Variants in MICU1 observed in about 807,000 individuals in gnomAD.
MICU1 encodes the protein calcium uptake protein 1, mitochondrial.
In MICU1, 45 loss-of-function variants were observed where a neutral mutation model predicts 56.8. The ratio of observed to expected loss-of-function variants is 0.79; its 90% CI spans 0.62 to 1.02. The LOEUF is 1.02. MICU1 is among the 50% of genes least tolerant of loss of function. The pLI is 0.00. For synonymous variants in MICU1, 186 were observed against 195.1 expected (o/e 0.95, Z 0.39); for missense variants, 504 against 587.1 (o/e 0.86, Z 1.46).
Position 72,519,149 on chromosome 10 carries a change from A to G in MICU1, c.538-10880T>C, listed in dbSNP as rs948944653. Among the ~76,000 whole-genome samples the G allele has an allele frequency of 2.6e-5, 4 of 152,262 alleles. No individual in the cohort carries two copies. The East Asian group carries it at 7.7e-4, about 29-fold the overall frequency. On this transcript the variant is annotated intron_variant, in intron 5 of 11. Transcript: ENST00000361114. Reference sequence around the variant, plus strand: ...GTCAAATGACAAGAATAGCATTTCTATTCAATTTACTGACCAATGTTACCT... The same window carrying G: ...GTCAAATGACAAGAATAGCATTTCTGTTCAATTTACTGACCAATGTTACCT...
chr10:72,622,993 G>C (rs994646810), intron 1 of MICU1, among the ~76,000 whole-genome samples: 5 of 152,144 alleles, frequency 3.3e-5, no homozygotes, highest in African/African-American at 1.2e-4. Context: ...GGGAGGCCAG[G>C]TACAGTGGCT....
chr10:72,435,564 G>C (rs1864684354), intron 8 of MICU1, among the ~76,000 whole-genome samples: 1 of 152,184 alleles, frequency 6.6e-6, no homozygotes. Flanking sequence ...AGCCCACGGA[G>C]GACGAGCTGA....
chr10:72,592,715 A>T (rs150749337), intron 1 of MICU1, among the ~76,000 whole-genome samples: 1 of 152,264 alleles, frequency 6.6e-6, no homozygotes, highest in African/African-American at 2.4e-5. Context: ...CAGAATGAAG[A>T]AAAATCTACA....
At chr10:72,534,552 G>A (rs567437801) in intron 4 of MICU1, among the ~76,000 whole-genome samples, 2 of 152,276 alleles carry the variant, frequency 1.3e-5, no homozygotes, top group East Asian at 1.9e-4. Flanking sequence ...TTCAATAAAA[G>A]GGTGCTGTGG....
chr10:72,426,162 C>T (rs1864340312), intron 8 of MICU1, among the ~76,000 whole-genome samples: 1 of 152,132 alleles, frequency 6.6e-6, no homozygotes, highest in South Asian at 2.1e-4. Context: ...GGACTACAGG[C>T]ATGTGCCACC....
intron 10 of MICU1, among the ~76,000 whole-genome samples, chr10:72,397,584 G>A (rs1175225256): frequency 1.3e-5 from 2 of 152,034 alleles, no homozygotes; most frequent in Non-Finnish European, 2.9e-5. Flanking sequence ...AGGGATGGAG[G>A]AAGATCTACC....
chr10:72,419,907 G>A (rs774089580), intron 9 of MICU1, among the ~76,000 whole-genome samples: 3 of 152,126 alleles, frequency 2.0e-5, no homozygotes, highest in South Asian at 2.1e-4. Flanking sequence ...CACATGTGTC[G>A]TGGAAGGGAC....
chr10:72,490,667 T>G (rs1485510230), intron 6 of MICU1, among the ~76,000 whole-genome samples: 1 of 152,210 alleles, frequency 6.6e-6, no homozygotes, highest in Non-Finnish European at 1.5e-5. Flanking sequence ...AAGCATACTT[T>G]TCTGCACAAT....
chr10:72,458,806 A>C (rs72810144), intron 8 of MICU1, among the ~76,000 whole-genome samples: 2,932 of 150,074 alleles, frequency 0.02, 45 homozygotes, highest in Middle Eastern at 0.051. Flanking sequence ...GACCTCCCGG[A>C]CTCAATTGAT....
intron 1 of MICU1, among the ~76,000 whole-genome samples, chr10:72,603,211 A>G (rs1000140305): frequency 1.3e-5 from 2 of 150,448 alleles, no homozygotes; most frequent in Admixed American, 6.7e-5. Flanking sequence ...ACATGGCAAA[A>G]CCCCATCTCT....
intron 1 of MICU1, among the ~76,000 whole-genome samples, chr10:72,579,921 T>A (rs1840852830): frequency 6.6e-6 from 1 of 151,298 alleles, no homozygotes; most frequent in South Asian, 2.1e-4. Flanking sequence ...ATTATGTATA[T>A]CCAAATATTC....
chr10:72,615,921 G>A (rs1413658518), intron 1 of MICU1, among the ~76,000 whole-genome samples: 1 of 151,996 alleles, frequency 6.6e-6, no homozygotes, highest in Non-Finnish European at 1.5e-5. Context: ...CCCGGGAGGC[G>A]GAGCTGGCAG....
At chr10:72,463,002 T>C (rs745777422) in intron 8 of MICU1, among the ~76,000 whole-genome samples, 3 of 152,160 alleles carry the variant, frequency 2.0e-5, no homozygotes, top group Non-Finnish European at 2.9e-5. Context: ...TAACATATCA[T>C]TGACTTTGGA....
At chr10:72,436,498 G>A (rs971050903) in intron 8 of MICU1, among the ~76,000 whole-genome samples, 6 of 152,128 alleles carry the variant, frequency 3.9e-5, no homozygotes, top group African/African-American at 9.7e-5. Flanking sequence ...AAATCAGAGC[G>A]CATCTTCTCC....
At chr10:72,599,846 C>T (rs1841478021) in intron 1 of MICU1, among the ~76,000 whole-genome samples, 1 of 152,172 alleles carries the variant, frequency 6.6e-6, no homozygotes, top group Non-Finnish European at 1.5e-5. Context: ...AGTGACAATA[C>T]CCTGGTAGAC....
chr10:72,514,659 T>C lies in MICU1; in HGVS notation c.538-6390A>G, dbSNP rs1867591348. ...GAAAGGGGTAAAAATACTCTCCGGA[T>C]CTTTTCAGACTGGCTCTGTATTGGG... On this transcript the variant is annotated intron_variant, in intron 5 of 11. Coordinates refer to ENST00000361114, the MANE Select transcript of MICU1 (RefSeq NM_001195518.2). Among the ~76,000 whole-genome samples the C allele has an allele frequency of 2.6e-5, 4 of 152,326 alleles. No individual in the cohort carries two copies. The South Asian group carries it at 8.3e-4, about 32-fold the overall frequency.
chr10:72,413,755 TG>T (rs1863898045), intron 9 of MICU1, among the ~76,000 whole-genome samples: 1 of 151,602 alleles, frequency 6.6e-6, no homozygotes, highest in Admixed American at 6.6e-5. Context: ...AAAAAGGACT[TG>T]TATCCAGAAT....
intron 6 of MICU1, chr10:72,502,734 C>T (rs931938465): frequency 6.5e-6 from 1 of 153,272 alleles, no homozygotes; most frequent in African/African-American, 2.4e-5. Flanking sequence ...AAAGGAGAGT[C>T]ACTGAGTGCC....
In MICU1 at chr10:72,539,993, C is replaced by T. The variant is rs549869776; in HGVS notation, c.494-6204G>A. On this transcript the variant is annotated intron_variant, in intron 4 of 11. Coordinates refer to ENST00000361114, the MANE Select transcript of MICU1 (RefSeq NM_001195518.2). The stretch of plus-strand genomic sequence containing the variant: ...TGCTGAAAATAACTTCTTGGCTGTG[C>T]GTGGTGGCTCATGCCTGTAATCCCA... Among the ~76,000 whole-genome samples, 6 of 152,228 alleles carry T rather than the reference C, an allele frequency of 3.9e-5. 1 individual carries two copies. The South Asian group carries it at 1.2e-3, about 32-fold the overall frequency.
Sources: allele counts gnomAD v4.1 joint callset (sites outside exome capture counted in the v4.1 genomes callset), GRCh38; gene constraint gnomAD v4.1.1; transcripts MANE v1.5; gene names NCBI Gene and HGNC (gene_info 2026-07-23, HGNC 2026-07-21).